C3orf20: variants seen among roughly 807,000 people sequenced by gnomAD.
C3orf20 encodes the protein uncharacterized protein C3orf20.
Under a neutral mutation model 88.3 loss-of-function variants are expected in C3orf20, and 76 were observed. The observed-to-expected ratio is 0.86, with a 90% confidence interval of 0.72 to 1.04. The LOEUF is 1.04. C3orf20 is among the 50% of genes least tolerant of loss of function. The pLI is 0.00. For synonymous variants in C3orf20, 436 were observed against 437.4 expected (o/e 1.00, Z 0.04); for missense variants, 1,056 against 1,123.3 (o/e 0.94, Z 0.86).
rs199990486 is a variant in C3orf20, at chr3:14,704,332, T to C, written c.879-5T>C. ...TAGACAATATATTGCTCTCCTTCTC[T>C]GCAGAGAAGCTGAAAGGGCCACATG... On this transcript the variant is annotated splice_region_variant and splice_polypyrimidine_tract_variant and intron_variant, in intron 6 of 16. Coordinates refer to ENST00000253697, the MANE Select transcript of C3orf20 (RefSeq NM_032137.5). 2 of 1,613,884 alleles carry C rather than the reference T, an allele frequency of 1.2e-6. No individual in the cohort carries two copies. The highest frequency in any genetic ancestry group is 1.3e-5 in the African/African-American group (1 of 74,892).
chr3:14,735,030 A>G, intron 12 of C3orf20, among the ~76,000 whole-genome samples: 1 of 151,702 alleles, frequency 6.6e-6, no homozygotes, highest in East Asian at 1.9e-4. Flanking sequence ...TTCATAATAT[A>G]TCTTTTTTTG....
rs770930547 is a variant in C3orf20, at chr3:14,745,604, T to C, written c.1941-11767T>C. Among the ~76,000 whole-genome samples, 12 of 152,318 alleles carry C rather than the reference T, an allele frequency of 7.9e-5. 1 individual carries two copies. The highest frequency in any genetic ancestry group is 3.9e-4 in the Admixed American group (6 of 15,292). ...AACCATATACATTTGTGATATCACA[T>C]TTGTACAACTATATCTGTAAATAAA... is the stretch of plus-strand genomic sequence containing the variant. On this transcript the variant is annotated intron_variant, in intron 12 of 16. Coordinates refer to ENST00000253697, the MANE Select transcript of C3orf20 (RefSeq NM_032137.5).
rs151168843 is a variant in C3orf20 at position 14,715,363 on chromosome 3, G to A, written c.1388G>A (p.Trp463Ter). The A allele has an allele frequency of 6.2e-7, 1 of 1,612,510 alleles. No homozygotes were observed. Among genetic ancestry groups the A allele is most frequent in the Non-Finnish European group, 8.5e-7 (1 of 1,179,794 alleles). Reference protein sequence around the residue: ...NDQQGYVVHKWSWTSRTETLL... With the variant: ...NDQQGYVVHK ...CAGCAGGGCTATGTAGTCCACAAGT[G>A]GAGCTGGACTTCCAGGACAGAGACC... is the stretch of plus-strand genomic sequence containing the variant. Residue 463 changes from tryptophan (W) to a stop codon, truncating the protein, a stop_gained, in exon 9 of 17, where the codon TGG becomes TAG. Transcript: ENST00000253697. LOFTEE classifies it high-confidence loss of function.
chr3:14,681,785 G>A (rs1370448754), intron 1 of C3orf20, among the ~76,000 whole-genome samples: 2 of 152,192 alleles, frequency 1.3e-5, no homozygotes, highest in African/African-American at 2.4e-5. Context: ...CTCTGCCAGT[G>A]TATTTACAGG....
chr3:14,749,027 C>T (rs1486381782), intron 12 of C3orf20, among the ~76,000 whole-genome samples: 1 of 152,096 alleles, frequency 6.6e-6, no homozygotes, highest in African/African-American at 2.4e-5. Flanking sequence ...TTATCCTATC[C>T]GTTATCAAAA....
At chr3:14,692,979 G>T (rs963728275) in intron 5 of C3orf20, among the ~76,000 whole-genome samples, 1 of 152,122 alleles carries the variant, frequency 6.6e-6, no homozygotes, top group East Asian at 1.9e-4. Flanking sequence ...TGAAAAGATT[G>T]TTCTTTCCCC....
intron 4 of C3orf20, among the ~76,000 whole-genome samples, chr3:14,689,038 T>C (rs1188277265): frequency 1.3e-5 from 2 of 152,178 alleles, no homozygotes; most frequent in African/African-American, 4.8e-5. Context: ...ATTTCTGTTG[T>C]ATTTAGTTAA....
At chr3:14,729,106 G>C (rs1472642250) in intron 12 of C3orf20, among the ~76,000 whole-genome samples, 2 of 152,182 alleles carry the variant, frequency 1.3e-5, no homozygotes, top group Non-Finnish European at 2.9e-5. Context: ...ATCATCTACA[G>C]CCACTTCCTT....
intron 12 of C3orf20, among the ~76,000 whole-genome samples, chr3:14,756,869 A>G (rs1028008023): frequency 6.6e-6 from 1 of 152,252 alleles, no homozygotes; most frequent in Non-Finnish European, 1.5e-5. Context: ...GAGTAGTGAC[A>G]TGACGTGAGC....
At chr3:14,728,403 T>G (rs780074568) in intron 11 of C3orf20, 36 bp from the exon 12 acceptor site, 2 of 1,610,922 alleles carry the variant, frequency 1.2e-6, no homozygotes, top group African/African-American at 1.3e-5. Flanking sequence ...GTCCTGGCCA[T>G]GAAGGGAAAA....
At chr3:14,728,206 C>T (rs537539667) in intron 11 of C3orf20, among the ~76,000 whole-genome samples, 1 of 152,216 alleles carries the variant, frequency 6.6e-6, no homozygotes, top group African/African-American at 2.4e-5. Context: ...AGAATGAGTA[C>T]GAAAGGAGAC....
intron 7 of C3orf20, among the ~76,000 whole-genome samples, chr3:14,711,853 C>T (rs569268850): frequency 5.9e-5 from 9 of 151,894 alleles, no homozygotes; most frequent in African/African-American, 9.7e-5. Context: ...TTCTATATGT[C>T]GTATACCATC....
At chr3:14,718,170 A>G (rs1286056846) in intron 9 of C3orf20, among the ~76,000 whole-genome samples, 4 of 152,072 alleles carry the variant, frequency 2.6e-5, no homozygotes, top group Non-Finnish European at 4.4e-5. Flanking sequence ...AATTATGTCT[A>G]TTTTAGACCT....
intron 5 of C3orf20, among the ~76,000 whole-genome samples, chr3:14,695,088 G>C (rs116187011): frequency 2.1e-3 from 313 of 152,192 alleles, no homozygotes; most frequent in African/African-American, 6.9e-3. Flanking sequence ...ACCATGCCTG[G>C]GCTGAAGTTT....
At chr3:14,731,117 C>T (rs1415435721) in intron 12 of C3orf20, among the ~76,000 whole-genome samples, 1 of 152,210 alleles carries the variant, frequency 6.6e-6, no homozygotes, top group Non-Finnish European at 1.5e-5. Context: ...AAAGAAATTC[C>T]CTTATGCTAT....
chr3:14,743,136 A>T (rs1438123646), intron 12 of C3orf20, among the ~76,000 whole-genome samples: 1 of 151,978 alleles, frequency 6.6e-6, no homozygotes, highest in Non-Finnish European at 1.5e-5. Flanking sequence ...GTCATCTGAG[A>T]CAAGGCAAGT....
At position 14,704,352 on chromosome 3, in the gene C3orf20, C is replaced by G; in HGVS notation, c.894C>G (p.Ala298=). Residue 298 remains alanine, a synonymous_variant, in exon 7 of 17, where the codon GCC becomes GCG. Coordinates refer to ENST00000253697, the MANE Select transcript of C3orf20 (RefSeq NM_032137.5). The part of the protein sequence containing the change: ...ELCRHIEAER[A]TWKGRNISYP... ...TTCTCTGCAGAGAAGCTGAAAGGGC[C>G]ACATGGAAAGGGAGGAATATCTCCT... is the stretch of plus-strand genomic sequence containing the variant. The G allele has an allele frequency of 1.2e-6, 2 of 1,613,996 alleles. No homozygotes were observed. The highest frequency in any genetic ancestry group is 8.5e-7 in the Non-Finnish European group (1 of 1,179,960).
intron 5 of C3orf20, among the ~76,000 whole-genome samples, 182 bp from the exon 6 acceptor site, chr3:14,702,948 G>GA (rs1262727029): frequency 1.3e-5 from 2 of 152,254 alleles, no homozygotes; most frequent in East Asian, 1.9e-4. Flanking sequence ...TTCCAAATGG[G>GA]AAAAAATGGC....
intron 11 of C3orf20, 131 bp from the exon 12 acceptor site, chr3:14,728,308 G>A: frequency 1.9e-6 from 2 of 1,061,890 alleles, no homozygotes; most frequent in South Asian, 3.1e-5. Context: ...GGAGGTGCCG[G>A]AGAATCAATG....
Sources: gnomAD v4.1 joint callset for allele counts (sites outside exome capture counted in the v4.1 genomes callset) on GRCh38, gnomAD v4.1.1 for gene constraint, MANE v1.5 for transcripts, NCBI Gene and HGNC (gene_info 2026-07-23, HGNC 2026-07-21) for gene names.